PREX1: variants seen among roughly 807,000 people sequenced by gnomAD.
PREX1 encodes phosphatidylinositol 3,4,5-trisphosphate-dependent Rac exchanger 1 protein.
A neutral mutation model predicts 198.3 loss-of-function variants in PREX1; 41 were observed. The observed-to-expected ratio is 0.21, with a 90% confidence interval of 0.16 to 0.27. The LOEUF (loss-of-function observed/expected upper bound fraction) is 0.27, where lower values mean the gene tolerates loss of function less well. PREX1 is among the 10% of genes least tolerant of loss of function. PREX1 has a pLI of 1.00. For synonymous variants in PREX1, 843 were observed against 887.2 expected (o/e 0.95, Z 0.89); for missense variants, 1,620 against 2,200.7 (o/e 0.74, Z 5.28).
chr20:48,815,428 T>C (rs978164548), intron 1 of PREX1, among the ~76,000 whole-genome samples: 1 of 152,234 alleles, frequency 6.6e-6, no homozygotes, highest in Admixed American at 6.5e-5. Context: ...ACCCACAGAA[T>C]ATGTTCTCTG....
At chr20:48,720,641 C>T (rs1255681005) in intron 5 of PREX1, among the ~76,000 whole-genome samples, 1 of 152,046 alleles carries the variant, frequency 6.6e-6, no homozygotes, top group Non-Finnish European at 1.5e-5. Flanking sequence ...TCTGGTGCCA[C>T]CTAAAATCTT....
At chr20:48,681,903 G>GA (rs1245540326) in intron 10 of PREX1, among the ~76,000 whole-genome samples, 4 of 152,052 alleles carry the variant, frequency 2.6e-5, no homozygotes, top group African/African-American at 9.7e-5. Flanking sequence ...AGAAGGAATG[G>GA]ACAAACATGC....
chr20:48,655,306 G>A lies in PREX1; in HGVS notation c.2193C>T (p.Val731=), dbSNP rs369896251. Residue 731 remains valine (V), a synonymous_variant, in exon 19 of 40, where the codon GTC becomes GTT. Coordinates refer to ENST00000371941, the MANE Select transcript of PREX1 (RefSeq NM_020820.4). ...CCCACTCACCTCTCCCCACAGCATA[G>A]ACGTACGGTGGGGCAGCTCCACGAA... ...FQIRGAAPPY[V]YAVGRGSEAM... 7 of 1,588,542 alleles carry A rather than the reference G, an allele frequency of 4.4e-6. No homozygotes were observed. The highest frequency in any genetic ancestry group is 3.4e-5 in the Admixed American group (2 of 59,026).
chr20:48,696,624 CATA>C (rs2089847610), intron 7 of PREX1, among the ~76,000 whole-genome samples: 1 of 151,714 alleles, frequency 6.6e-6, no homozygotes, highest in African/African-American at 2.4e-5. Context: ...TACATACATA[CATA>C]CATACATACA....
chr20:48,647,448 G>A (rs2089459887), intron 25 of PREX1, among the ~76,000 whole-genome samples: 1 of 150,422 alleles, frequency 6.6e-6, no homozygotes, highest in Non-Finnish European at 1.5e-5. Flanking sequence ...TTGAACCCAG[G>A]AGGCGGAGGT....
chr20:48,634,803 T>A (rs760325478), intron 32 of PREX1, 28 bp from the exon 33 acceptor site: 2 of 1,594,282 alleles, frequency 1.3e-6, no homozygotes, highest in South Asian at 2.2e-5. Context: ...CGCGGAGGAG[T>A]CTCAGATGCC....
chr20:48,750,326 C>T (rs1228165459), intron 1 of PREX1, among the ~76,000 whole-genome samples: 1 of 152,204 alleles, frequency 6.6e-6, no homozygotes, highest in East Asian at 1.9e-4. Context: ...TCTCTACACA[C>T]ACAGCCAGGG....
At chr20:48,708,219 C>A (rs376423272) in intron 6 of PREX1, 41 bp downstream of exon 6, 168 of 1,600,884 alleles carry the variant, frequency 1.0e-4, no homozygotes, top group Non-Finnish European at 1.3e-4. Flanking sequence ...CACCTCCTGG[C>A]CCCCTGCGGC....
chr20:48,832,993 C>T (rs1306247893), upstream of PREX1, among the ~76,000 whole-genome samples: 1 of 152,226 alleles, frequency 6.6e-6, no homozygotes, highest in Non-Finnish European at 1.5e-5. Context: ...GCACCAGAGA[C>T]CAGCTTCTCA....
the PREX1 span, among the ~76,000 whole-genome samples, chr20:48,846,437 G>T: frequency 6.6e-6 from 1 of 151,986 alleles, no homozygotes; most frequent in Non-Finnish European, 1.5e-5. Context: ...TTAATAGATG[G>T]GGATGTCCTC....
chr20:48,754,481 C>T (rs1255308408), intron 1 of PREX1, among the ~76,000 whole-genome samples: 1 of 152,136 alleles, frequency 6.6e-6, no homozygotes, highest in Non-Finnish European at 1.5e-5. Context: ...GAACCCATGG[C>T]TGCTGTTGCC....
At chr20:48,643,064 T>TG (rs986539936) in intron 27 of PREX1, among the ~76,000 whole-genome samples, 14 of 151,812 alleles carry the variant, frequency 9.2e-5, no homozygotes, top group Non-Finnish European at 1.6e-4. Context: ...GAACCAAGGG[T>TG]GGGGGGGAGA....
chr20:48,790,777 C>CCCACAG (rs1266021919), intron 1 of PREX1, among the ~76,000 whole-genome samples: 14 of 152,194 alleles, frequency 9.2e-5, no homozygotes, highest in East Asian at 7.7e-4. Context: ...AGCACCTTTC[C>CCCACAG]CCACAGCCAC....
intron 1 of PREX1, among the ~76,000 whole-genome samples, chr20:48,818,018 G>A (rs1054782416): frequency 2.6e-5 from 4 of 152,092 alleles, no homozygotes; most frequent in African/African-American, 7.2e-5. Flanking sequence ...GGGGATGTGC[G>A]GTGTCAGAAA....
chr20:48,657,638 A>T (rs374793948), intron 17 of PREX1, among the ~76,000 whole-genome samples: 22 of 152,270 alleles, frequency 1.4e-4, no homozygotes, highest in East Asian at 1.2e-3. Context: ...AGCCCAAAGC[A>T]TTCCTAATTG....
chr20:48,826,277 A>C (rs2123091425), intron 1 of PREX1, among the ~76,000 whole-genome samples: 1 of 152,228 alleles, frequency 6.6e-6, no homozygotes, highest in South Asian at 2.1e-4. Flanking sequence ...CCCCAGCAGG[A>C]GGCATGGAGA....
chr20:48,796,763 T>A (rs1414474828), intron 1 of PREX1, among the ~76,000 whole-genome samples: 1 of 147,240 alleles, frequency 6.8e-6, no homozygotes, highest in East Asian at 1.9e-4. Context: ...TATATATACA[T>A]ATATAGTTAT....
chr20:48,791,235 G>A (rs1208311432), intron 1 of PREX1, among the ~76,000 whole-genome samples: 6 of 152,124 alleles, frequency 3.9e-5, no homozygotes, highest in African/African-American at 4.8e-5. Context: ...TTACCTTCGC[G>A]CTGCTGCTGC....
At chr20:48,630,078 G>A (rs1406568475) in intron 36 of PREX1, among the ~76,000 whole-genome samples, 1 of 152,112 alleles carries the variant, frequency 6.6e-6, no homozygotes, top group East Asian at 1.9e-4. Flanking sequence ...AGCCAGAGTG[G>A]AAAGTCCCAA....
Sources: gnomAD v4.1 joint callset for allele counts (sites outside exome capture counted in the v4.1 genomes callset) on GRCh38, gnomAD v4.1.1 for gene constraint, MANE v1.5 for transcripts, NCBI Gene and HGNC (gene_info 2026-07-23, HGNC 2026-07-21) for gene names.